The following CSTPP1 variants were observed in gnomAD, a reference collection of about 807,000 sequenced individuals.
CSTPP1 encodes centriolar satellite-associated tubulin polyglutamylase complex regulator 1, also known as UPF0705 protein C11orf49.
At chr11:47,100,046 T>C in the CSTPP1 span, among the ~76,000 whole-genome samples, 1 of 152,246 alleles carries the variant, frequency 6.6e-6, no homozygotes, top group East Asian at 1.9e-4. Context: ...CACACCATGC[T>C]TTCCTATTTT....
the CSTPP1 span, among the ~76,000 whole-genome samples, chr11:47,028,457 A>T: frequency 1.3e-5 from 2 of 152,212 alleles, no homozygotes; most frequent in Non-Finnish European, 2.9e-5. Context: ...CTACTAGAGA[A>T]TTAGAAATAC....
chr11:47,037,611 G>C, the CSTPP1 span, among the ~76,000 whole-genome samples: 23 of 118,214 alleles, frequency 1.9e-4, 5 homozygotes, highest in South Asian at 5.5e-3. Flanking sequence ...CTGCCTTCAA[G>C]CATCTGTTTA....
the CSTPP1 span, among the ~76,000 whole-genome samples, chr11:47,016,276 TG>T: frequency 1.3e-5 from 2 of 152,108 alleles, no homozygotes; most frequent in Non-Finnish European, 2.9e-5. Flanking sequence ...TCACCATTTT[TG>T]TTCAACATTG....
chr11:47,158,827 G>A, the CSTPP1 span, among the ~76,000 whole-genome samples: 9 of 152,274 alleles, frequency 5.9e-5, no homozygotes, highest in South Asian at 1.0e-3. Context: ...GAGCCACTAC[G>A]CCCAGCAAGG....
the CSTPP1 span, among the ~76,000 whole-genome samples, chr11:46,969,926 G>A: frequency 3.9e-5 from 6 of 152,018 alleles, no homozygotes; most frequent in Admixed American, 1.3e-4. Context: ...CACCACACCC[G>A]ACTAATTTTT....
At chr11:47,001,340 T>G in the CSTPP1 span, among the ~76,000 whole-genome samples, 2 of 152,194 alleles carry the variant, frequency 1.3e-5, no homozygotes. Flanking sequence ...CTACATAGTA[T>G]AAATATGGAG....
chr11:47,077,415 G>A, the CSTPP1 span, among the ~76,000 whole-genome samples: 1 of 152,056 alleles, frequency 6.6e-6, no homozygotes, highest in Non-Finnish European at 1.5e-5. Context: ...GGTCGGGCTG[G>A]TCTCGAACTC....
the CSTPP1 span, among the ~76,000 whole-genome samples, chr11:47,045,047 G>A: frequency 6.6e-6 from 1 of 152,168 alleles, no homozygotes; most frequent in East Asian, 1.9e-4. Flanking sequence ...AAAGAAAATT[G>A]TTTATATGAA....
the CSTPP1 span, among the ~76,000 whole-genome samples, chr11:47,014,816 GAA>G: frequency 1.3e-5 from 2 of 151,884 alleles, no homozygotes; most frequent in Non-Finnish European, 2.9e-5. Flanking sequence ...ATTAGAAAAA[GAA>G]GAGCAATTTA....
the CSTPP1 span, among the ~76,000 whole-genome samples, chr11:46,985,519 A>C: frequency 3.9e-5 from 6 of 152,088 alleles, no homozygotes; most frequent in Non-Finnish European, 7.4e-5. Context: ...TATTTTTCTG[A>C]ATTTTTTATG....
chr11:47,059,319 GAAATA>G, the CSTPP1 span, among the ~76,000 whole-genome samples: 2 of 152,080 alleles, frequency 1.3e-5, no homozygotes, highest in South Asian at 2.1e-4. Context: ...TTTTTTAGAA[GAAATA>G]AAATAAACTA....
chr11:47,122,091 A>AAAT, the CSTPP1 span, among the ~76,000 whole-genome samples: 31 of 31,842 alleles, frequency 9.7e-4, 1 homozygote, highest in African/African-American at 1.7e-3. Flanking sequence ...AAAAAAAAAA[A>AAAT]ATATATATAT....
the CSTPP1 span, among the ~76,000 whole-genome samples, chr11:46,976,717 G>T: frequency 3.0e-4 from 46 of 152,006 alleles, no homozygotes; most frequent in Non-Finnish European, 5.1e-4. Flanking sequence ...GGCCCTTATT[G>T]TATGCAGTCA....
chr11:47,033,292 G>T, the CSTPP1 span, among the ~76,000 whole-genome samples: 2 of 152,106 alleles, frequency 1.3e-5, no homozygotes, highest in Non-Finnish European at 2.9e-5. Context: ...TCTTCCATTT[G>T]CTTTAGTTTC....
chr11:47,139,439 C>T, the CSTPP1 span, among the ~76,000 whole-genome samples: 24 of 152,094 alleles, frequency 1.6e-4, no homozygotes, highest in Middle Eastern at 3.4e-3. Context: ...TTTGGGAGGC[C>T]GAGGTGGATG....
the CSTPP1 span, chr11:47,052,906 G>A: frequency 6.3e-6 from 1 of 157,566 alleles, no homozygotes; most frequent in Non-Finnish European, 1.4e-5. Context: ...AGGTTACATA[G>A]TAAATTCTGG....
At chr11:47,052,309 C>G in the CSTPP1 span, 3 of 1,516,916 alleles carry the variant, frequency 2.0e-6, no homozygotes, top group Non-Finnish European at 2.7e-6. Flanking sequence ...CAGTGGTTCT[C>G]TCTGGTCTCA....
At chr11:46,940,950 T>C in the CSTPP1 span, among the ~76,000 whole-genome samples, 5 of 152,206 alleles carry the variant, frequency 3.3e-5, no homozygotes, top group African/African-American at 9.7e-5. Flanking sequence ...CCTTGGTGAA[T>C]AGAAGTTGGT....
the CSTPP1 span, among the ~76,000 whole-genome samples, chr11:47,136,798 G>T: frequency 1.3e-5 from 2 of 152,246 alleles, no homozygotes; most frequent in African/African-American, 4.8e-5. Context: ...GAAATGCTTT[G>T]ATATATGATA....
Sources: allele counts gnomAD v4.1 joint callset (sites outside exome capture counted in the v4.1 genomes callset), GRCh38; gene constraint gnomAD v4.1.1; transcripts MANE v1.5; gene names NCBI Gene and HGNC (gene_info 2026-07-23, HGNC 2026-07-21).